Variants in NAA16 observed in about 807,000 individuals in gnomAD.
NAA16 encodes NARG1-like protein.
Under a neutral mutation model 110.3 loss-of-function variants are expected in NAA16, and 97 were observed. The observed-to-expected ratio is 0.88, with a 90% confidence interval of 0.75 to 1.04. The LOEUF (loss-of-function observed/expected upper bound fraction) is 1.04. Among genes scored for constraint, NAA16 ranks in the 50% least tolerant of loss-of-function variants. NAA16 has a pLI of 0.00. For synonymous variants in NAA16, 372 were observed against 330.6 expected (o/e 1.13, Z -1.36); for missense variants, 1,017 against 1,005.1 (o/e 1.01, Z -0.16).
chr13:41,329,627 A>G (rs982308574), intron 7 of NAA16, among the ~76,000 whole-genome samples: 1 of 151,506 alleles, frequency 6.6e-6, no homozygotes, highest in African/African-American at 2.4e-5. Context: ...CCTCACTGGT[A>G]TTAATTCTGG....
At chr13:41,311,792 G>A (rs2139342907) in intron 1 of NAA16, among the ~76,000 whole-genome samples, 1 of 152,284 alleles carries the variant, frequency 6.6e-6, no homozygotes, top group African/African-American at 2.4e-5. Context: ...TCCTTTCCGC[G>A]GTCTTCTGCG....
chr13:41,312,985 AT>A (rs986073421), intron 1 of NAA16, among the ~76,000 whole-genome samples: 3 of 150,724 alleles, frequency 2.0e-5, no homozygotes, highest in African/African-American at 7.3e-5. Flanking sequence ...TTTATTTTTA[AT>A]TTTTTTTTGC....
chr13:41,352,510 C>T (rs1407771322), intron 9 of NAA16, among the ~76,000 whole-genome samples: 1 of 151,762 alleles, frequency 6.6e-6, no homozygotes, highest in Non-Finnish European at 1.5e-5. Flanking sequence ...CAAAAATTAG[C>T]CAGGCATGGT....
chr13:41,360,831 A>G (rs373505704), intron 12 of NAA16, among the ~76,000 whole-genome samples: 1 of 152,194 alleles, frequency 6.6e-6, no homozygotes, highest in African/African-American at 2.4e-5. Context: ...CATGTTGGAT[A>G]GTTCTAGTTG....
intron 8 of NAA16, among the ~76,000 whole-genome samples, chr13:41,335,871 T>C (rs199693150): frequency 2.4e-4 from 36 of 148,382 alleles, no homozygotes; most frequent in African/African-American, 8.6e-4. Flanking sequence ...TTTTTTTTTT[T>C]TCCCCCAAAT....
intron 12 of NAA16, 91 bp downstream of exon 12, chr13:41,359,053 G>A: frequency 1.8e-6 from 2 of 1,108,254 alleles, no homozygotes; most frequent in South Asian, 2.2e-5. Context: ...AAGAACTTCA[G>A]TGGAAGTTCA....
intron 1 of NAA16, among the ~76,000 whole-genome samples, chr13:41,311,917 G>T (rs1168491664): frequency 1.3e-5 from 2 of 152,238 alleles, no homozygotes; most frequent in Non-Finnish European, 2.9e-5. Context: ...CGCCGGGCTC[G>T]CAGCAGCCCC....
chr13:41,375,319 A>G, intron 19 of NAA16, 86 bp from the exon 20 acceptor site: 5 of 916,094 alleles, frequency 5.5e-6, no homozygotes, highest in Non-Finnish European at 8.3e-6. Context: ...TTCTCAATTT[A>G]ACACATTGCA....
At chr13:41,351,869 G>A (rs1426092235) in intron 9 of NAA16, among the ~76,000 whole-genome samples, 1 of 151,958 alleles carries the variant, frequency 6.6e-6, no homozygotes, top group Non-Finnish European at 1.5e-5. Flanking sequence ...AATAATGGAG[G>A]CAAAACACCA....
intron 12 of NAA16, among the ~76,000 whole-genome samples, chr13:41,361,270 T>A (rs991632788): frequency 3.3e-5 from 5 of 151,944 alleles, no homozygotes; most frequent in African/African-American, 1.2e-4. Context: ...AGTAGAAGAG[T>A]TGTCATGAAA....
chr13:41,369,322 T>C, intron 15 of NAA16, 39 bp downstream of exon 15: 1 of 1,480,028 alleles, frequency 6.8e-7, no homozygotes, highest in Non-Finnish European at 8.9e-7. Context: ...TTGGTAAAAT[T>C]TATGCTATTT....
intron 13 of NAA16, chr13:41,362,945 A>G: frequency 9.1e-7 from 1 of 1,101,924 alleles, no homozygotes; most frequent in Non-Finnish European, 1.1e-6. Flanking sequence ...GATTACCCAC[A>G]AGGAAGGCTA....
At position 41,322,316 on chromosome 13, in the gene NAA16, T is replaced by G. The variant is rs79787802; in HGVS notation, c.403-740T>G. On this transcript the variant is annotated intron_variant, in intron 4 of 19. Transcript: ENST00000379406. The stretch of plus-strand genomic sequence containing the variant: ...GGGTAGGAGTGTCATCAAATGATAG[T>G]GTTGGCAGCATGGGAGCTGTGGGTA... Among the ~76,000 whole-genome samples the G allele has an allele frequency of 8.1e-3, 1,231 of 152,022 alleles. 17 individuals carry two copies. The highest frequency in any genetic ancestry group is 0.028 in the African/African-American group (1,169 of 41,484).
intron 1 of NAA16, among the ~76,000 whole-genome samples, chr13:41,312,670 C>A (rs1195092389): frequency 6.6e-6 from 1 of 152,086 alleles, no homozygotes; most frequent in African/African-American, 2.4e-5. Context: ...AAATAAAATA[C>A]TAATTTTAGA....
chr13:41,323,475 A>T (rs1298026234), intron 5 of NAA16, among the ~76,000 whole-genome samples: 10 of 150,622 alleles, frequency 6.6e-5, no homozygotes, highest in African/African-American at 1.5e-4. Context: ...CTCAGCCTCC[A>T]GAGTAGCTGG....
intron 9 of NAA16, among the ~76,000 whole-genome samples, chr13:41,341,790 C>T (rs1010806414): frequency 6.6e-6 from 1 of 151,874 alleles, no homozygotes; most frequent in Non-Finnish European, 1.5e-5. Flanking sequence ...ATGTTTTCAT[C>T]TGTCACTTTG....
intron 5 of NAA16, among the ~76,000 whole-genome samples, chr13:41,323,844 G>A (rs540484234): frequency 6.6e-6 from 1 of 152,276 alleles, no homozygotes; most frequent in African/African-American, 2.4e-5. Flanking sequence ...TGGAGATGGT[G>A]TGGATTGAGT....
At chr13:41,371,538 C>G (rs183893457) in intron 15 of NAA16, among the ~76,000 whole-genome samples, 206 of 152,272 alleles carry the variant, frequency 1.4e-3, no homozygotes, top group African/African-American at 4.9e-3. Context: ...GATGATGATC[C>G]ACTTCCACTT....
chr13:41,323,669 G>C (rs537253125), intron 5 of NAA16, among the ~76,000 whole-genome samples: 1 of 149,776 alleles, frequency 6.7e-6, no homozygotes, highest in South Asian at 2.1e-4. Flanking sequence ...TTTTTTTTAA[G>C]AGACGGGGTC....
Sources: allele counts gnomAD v4.1 joint callset (sites outside exome capture counted in the v4.1 genomes callset), GRCh38; gene constraint gnomAD v4.1.1; transcripts MANE v1.5; gene names NCBI Gene and HGNC (gene_info 2026-07-23, HGNC 2026-07-21).